The following PRSS56 variants were observed in gnomAD, a reference collection of about 807,000 sequenced individuals.
PRSS56 encodes the protein protease, serine 56.
PRSS56 carries 55 observed loss-of-function variants against 66.8 expected under a neutral mutation model. The observed-to-expected ratio is 0.82, with a 90% CI of 0.66 to 1.03. The LOEUF is 1.03. PRSS56 is among the 50% of genes least tolerant of loss of function. The pLI is 0.00. For missense variants in PRSS56, 869 were observed against 837.2 expected, an observed-to-expected ratio of 1.04 and a Z score of -0.47; for synonymous variants, 409 against 387.9, an observed-to-expected ratio of 1.05 and a Z score of -0.64.
chr2:232,521,678 A>C (rs563629223), intron 2 of PRSS56, 138 bp from the exon 3 acceptor site: 2 of 902,784 alleles, frequency 2.2e-6, no homozygotes, highest in Admixed American at 4.8e-5. Flanking sequence ...GGAGAAGTTC[A>C]TGGTTGCTGA....
Position 232,523,706 on chromosome 2 carries a change from G to C in PRSS56, c.1013-66G>C, listed in dbSNP as rs1374850138. 10 of 1,526,212 alleles carry C rather than the reference G, an allele frequency of 6.6e-6. No homozygotes were observed. The African/African-American group carries it at 1.1e-4, about 17-fold the overall frequency. 94.5% of individuals were successfully genotyped at this position (1,526,212 alleles called of 1,614,324 possible). On this transcript the variant is annotated intron_variant, in intron 8 of 12. Transcript: ENST00000617714. ...CCTCGGGAAAGCCTGTCTCCTTCCG[G>C]GGAAGGAGTGAGGGGGCTAGGGCCC...
rs929522384 is a variant in PRSS56 at position 232,524,155 on chromosome 2, C to T, written c.1303C>T (p.Leu435Phe). The T allele has an allele frequency of 1.6e-5, 24 of 1,519,780 alleles. No homozygotes were observed. The highest frequency in any genetic ancestry group is 2.0e-5 in the Non-Finnish European group (23 of 1,139,774). 94.1% of individuals were successfully genotyped at this position (1,519,780 alleles called of 1,614,324 possible). A position where few individuals can be genotyped will look rare whatever the true frequency, so the allele number is the denominator to read the frequency against. Reference sequence around the variant, plus strand: ...CGCCCTGGCTCTCCCCGCTCCAGCGCTCAGGGAGTCTCCTCTGCACCCCGC... The same window carrying T: ...CGCCCTGGCTCTCCCCGCTCCAGCGTTCAGGGAGTCTCCTCTGCACCCCGC... ...APALALPAPA[L>F]RESPLHPARE... Residue 435 changes from leucine (L) to phenylalanine (F), a missense_variant, in exon 10 of 13, where the codon CTC becomes TTC. This residue lies in a region of PRSS56 where 551 missense variants were observed against 506.9 expected (regional missense o/e 1.09). Transcript: ENST00000617714.
chr2:232,524,498 C>G, intron 11 of PRSS56, 129 bp downstream of exon 11: 1 of 896,730 alleles, frequency 1.1e-6, no homozygotes, highest in Non-Finnish European at 1.7e-6. Context: ...GTTCTCCCCT[C>G]CCCGCCATAG....
chr2:232,525,438 G>A lies in PRSS56; in HGVS notation c.1744G>A (p.Gly582Arg). 1 of 1,530,778 alleles carries A rather than the reference G, an allele frequency of 6.5e-7. No individual in the cohort carries two copies. The highest frequency in any genetic ancestry group is 8.7e-7 in the Non-Finnish European group (1 of 1,143,798). 94.8% of individuals were successfully genotyped at this position (1,530,778 alleles called of 1,614,324 possible). Residue 582 changes from glycine to arginine, a missense_variant, in exon 13 of 13, where the codon GGG becomes AGG. By Grantham distance (125) the Gly-to-Arg change is moderately radical. Coordinates refer to ENST00000617714, the MANE Select transcript of PRSS56 (RefSeq NM_001195129.2). ...PEGPWMDVGQ[G>R]PGLERKGHHP... ...GGGACCCTGGATGGATGTAGGGCAG[G>A]GGCCCGGGCTGGAGAGGAAGGGGCA...
chr2:232,524,976 G>A (rs1162802888), intron 12 of PRSS56, 132 bp downstream of exon 12: 1 of 752,044 alleles, frequency 1.3e-6, no homozygotes, highest in African/African-American at 1.8e-5. Context: ...AGCTCTGGGG[G>A]TAGGTAGAGG....
In PRSS56 at chr2:232,525,196, C is replaced by A; in HGVS notation, c.1522-20C>A. On this transcript the variant is annotated intron_variant, in intron 12 of 12. Coordinates refer to ENST00000617714, the MANE Select transcript of PRSS56 (RefSeq NM_001195129.2). ...AGGAGTGAGTTTCTGGGCCCCTGAT[C>A]CCCACTCCTCCATCTGTAGGTCCTG... 2.1e-6 allele frequency: 3 copies of A among 1,446,446 alleles called. 1 individual carries two copies. The highest frequency in any genetic ancestry group is 9.1e-7 in the Non-Finnish European group (1 of 1,102,056). The allele number at this position is 1,446,446 out of a possible 1,614,324, so 89.6% of individuals were successfully genotyped here. A position where few individuals can be genotyped will look rare whatever the true frequency, so the allele number is the denominator to read the frequency against.
In PRSS56 at chr2:232,521,964, T is replaced by C; in HGVS notation, c.257-7T>C. On this transcript the variant is annotated splice_polypyrimidine_tract_variant and splice_region_variant and intron_variant, in intron 3 of 12. Coordinates refer to ENST00000617714, the MANE Select transcript of PRSS56 (RefSeq NM_001195129.2). The stretch of plus-strand genomic sequence containing the variant: ...TGTCCCTCGTGACACCCCTTGCCCC[T>C]TTCTAGGGCCGTGCGGCGAGAGGCG... 6.8e-7 allele frequency: 1 copy of C among 1,478,074 alleles called. No individual in the cohort carries two copies. Among genetic ancestry groups the C allele is most frequent in the South Asian group, 1.3e-5 (1 of 75,728 alleles). The allele number at this position is 1,478,074 out of a possible 1,614,324, so 91.6% of individuals were successfully genotyped here.
Position 232,525,240 on chromosome 2 carries a change from A to T in PRSS56, c.1546A>T (p.Thr516Ser), listed in dbSNP as rs1255072527. ...HEVLADLGSK[T>S]LTGLFRAWVR... ...GGTCCTGGCAGATCTGGGCTCCAAG[A>T]CACTGACCGGGCTTTTCAGAGCCTG... The change falls in exon 13 of 13, where the codon ACA becomes TCA. Residue 516 changes from threonine (T) to serine (S), a missense_variant. By Grantham distance (58) the Thr-to-Ser change is moderately conservative (BLOSUM62 1). Around this residue, in one of 3 missense-constraint regions of PRSS56, gnomAD observed 551 missense variants for 506.9 expected, o/e 1.09. Transcript: ENST00000617714. The T allele has an allele frequency of 6.6e-7, 1 of 1,509,628 alleles. No individual in the cohort carries two copies. Among genetic ancestry groups the T allele is most frequent in the African/African-American group, 1.4e-5 (1 of 72,322 alleles). 93.5% of individuals were successfully genotyped at this position (1,509,628 alleles called of 1,614,324 possible).
chr2:232,520,814 C>T (rs1574621342), intron 1 of PRSS56, 119 bp downstream of exon 1: 1 of 627,240 alleles, frequency 1.6e-6, no homozygotes, highest in East Asian at 2.8e-5. Context: ...TTGGCTCCTT[C>T]TGCCCACCCT....
intron 11 of PRSS56, 112 bp downstream of exon 11, chr2:232,524,481 T>A (rs1691369683): frequency 9.5e-7 from 1 of 1,054,590 alleles, no homozygotes; most frequent in Admixed American, 2.6e-5. Flanking sequence ...GGCAACAGGG[T>A]GGACTCGTTC....
In PRSS56 at chr2:232,522,555, G is replaced by T. The variant is rs764043173; in HGVS notation, c.487G>T (p.Gly163Trp). The T allele has an allele frequency of 2.0e-6, 3 of 1,535,148 alleles. No individual in the cohort carries two copies. Among genetic ancestry groups the T allele is most frequent in the African/African-American group, 2.7e-5 (2 of 73,098 alleles). The change falls in exon 5 of 13, where the codon GGG becomes TGG. Residue 163 changes from glycine to tryptophan, a missense_variant. Coordinates refer to ENST00000617714, the MANE Select transcript of PRSS56 (RefSeq NM_001195129.2). ...ELLWTVTLAE[G>W]SRGEQAEEVP... ...TCTGTGGACTGTGACGCTGGCAGAG[G>T]GGTCCCGGGGGGAGCAAGCGGAGGA...
In PRSS56 at chr2:232,523,526, G is replaced by A. The variant is rs566879166; in HGVS notation, c.960G>A (p.Gly320=). Residue 320 remains glycine (G), a synonymous_variant, in exon 8 of 13, where the codon GGG becomes GGA. Coordinates refer to ENST00000617714, the MANE Select transcript of PRSS56 (RefSeq NM_001195129.2). The part of the protein sequence containing the change: ...GDGCGEPGKP[G]VYTRVAVFKD... The stretch of plus-strand genomic sequence containing the variant: ...GCTGCGGGGAGCCAGGGAAGCCCGG[G>A]GTCTACACCCGCGTGGCAGTGTTCA... The A allele has an allele frequency of 2.5e-4, 390 of 1,532,788 alleles. No homozygotes were observed. The highest frequency in any genetic ancestry group is 3.1e-4 in the Non-Finnish European group (355 of 1,145,696). The allele number at this position is 1,532,788 out of a possible 1,614,324, so 94.9% of individuals were successfully genotyped here.
chr2:232,523,120 GC>G lies in PRSS56; in HGVS notation c.769del (p.Arg257GlufsTer34). 6.5e-7 allele frequency: 1 copy of G among 1,534,770 alleles called. No individual in the cohort carries two copies. The highest frequency in any genetic ancestry group is 8.7e-7 in the Non-Finnish European group (1 of 1,146,128). On this transcript the variant is annotated frameshift_variant, in exon 7 of 13. Transcript: ENST00000617714. LOFTEE classifies it high-confidence loss of function. ...GTTCCCCTGCTCAGCACCGACACCT[GC>G]CGAAGAGCCCTGGGGCCCGGGCTGC... is the stretch of plus-strand genomic sequence containing the variant. ...ARVPLLSTDT[C>X]RRALGPGLRP...
intron 4 of PRSS56, 71 bp from the exon 5 acceptor site, chr2:232,522,444 G>T (rs2106201046): frequency 7.6e-7 from 1 of 1,318,804 alleles, no homozygotes; most frequent in African/African-American, 1.5e-5. Flanking sequence ...GGGCGGAGGG[G>T]CAGGGTCTCC....
intron 1 of PRSS56, among the ~76,000 whole-genome samples, 179 bp from the exon 2 acceptor site, chr2:232,521,142 C>T (rs982057417): frequency 4.6e-5 from 7 of 152,256 alleles, no homozygotes; most frequent in Non-Finnish European, 7.3e-5. Flanking sequence ...ACATCTTGGG[C>T]TGAGAACCTG....
rs769884041 is a variant in PRSS56, at chr2:232,523,541, G to A, written c.975G>A (p.Val325=). ...EPGKPGVYTR[V]AVFKDWLQEQ... is the part of the protein sequence containing the mutation. The stretch of plus-strand genomic sequence containing the variant: ...GGAAGCCCGGGGTCTACACCCGCGT[G>A]GCAGTGTTCAAGGACTGGCTCCAGG... Residue 325 remains valine, a synonymous_variant, in exon 8 of 13, where the codon GTG becomes GTA. Transcript: ENST00000617714. 8 of 1,532,518 alleles carry A rather than the reference G, an allele frequency of 5.2e-6. No individual in the cohort carries two copies. The highest frequency in any genetic ancestry group is 8.7e-7 in the Non-Finnish European group (1 of 1,145,660). The allele number at this position is 1,532,518 out of a possible 1,614,324, so 94.9% of individuals were successfully genotyped here.
Position 232,525,509 on chromosome 2 carries a change from C to G in PRSS56, c.*3C>G. ...TACCCCCCGCCAGGCAACCCTGAGC[C>G]ATGTCTGGGCCCCCAGCCCCTGGGG... On this transcript the variant is annotated 3_prime_UTR_variant, in exon 13 of 13. Transcript: ENST00000617714. The G allele has an allele frequency of 6.8e-7, 1 of 1,465,810 alleles. No homozygotes were observed. Among genetic ancestry groups the G allele is most frequent in the Non-Finnish European group, 9.0e-7 (1 of 1,107,632 alleles). 90.8% of individuals were successfully genotyped at this position (1,465,810 alleles called of 1,614,324 possible).
rs1028701908 is a variant in PRSS56 at position 232,521,414 on chromosome 2, C to T, written c.191C>T (p.Ser64Leu). 1.3e-6 allele frequency: 2 copies of T among 1,535,942 alleles called. No individual in the cohort carries two copies. The highest frequency in any genetic ancestry group is 1.4e-5 in the African/African-American group (1 of 73,050). Residue 64 changes from serine (S) to leucine (L), a missense_variant, in exon 2 of 13, where the codon TCG (serine) becomes TTG (leucine). By Grantham distance (145) the Ser-to-Leu change is moderately radical. Coordinates refer to ENST00000617714, the MANE Select transcript of PRSS56 (RefSeq NM_001195129.2). ...NRVAMEIQHRSHECRGSGRPR... is the reference protein window; with the variant it reads ...NRVAMEIQHRLHECRGSGRPR... ...GTGGCGATGGAGATCCAGCACAGATCGCACGAGTGCCGAGGTGCCCACCCT... is the reference window on the plus strand; with the variant it reads ...GTGGCGATGGAGATCCAGCACAGATTGCACGAGTGCCGAGGTGCCCACCCT...
intron 6 of PRSS56, 54 bp from the exon 7 acceptor site, chr2:232,523,006 C>T: frequency 6.6e-7 from 1 of 1,518,416 alleles, no homozygotes; most frequent in Non-Finnish European, 8.8e-7. Context: ...GAAGGGGACC[C>T]TCAAGGCGGG....
Sources: gnomAD v4.1 joint callset for allele counts (sites outside exome capture counted in the v4.1 genomes callset) on GRCh38, gnomAD v4.1.1 for gene constraint, gnomAD v4.1.1 regional missense constraint, MANE v1.5 for transcripts, NCBI Gene and HGNC (gene_info 2026-07-23, HGNC 2026-07-21) for gene names.